Variants in CENPX observed in about 807,000 individuals in gnomAD.
The protein encoded by CENPX is centromere protein X, also known as FANCM associated histone fold protein 2.
Under a neutral mutation model 13.2 loss-of-function variants are expected in CENPX, and 13 were observed. The observed-to-expected ratio is 0.98, with a 90% CI of 0.64 to 1.56. The LOEUF is 1.56. CENPX is among the 40% of genes most tolerant of loss of function. CENPX has a pLI of 0.00. For missense variants in CENPX, 138 were observed against 107.5 expected, an observed-to-expected ratio of 1.28 and a Z score of -1.26; for synonymous variants, 66 against 47.2, an observed-to-expected ratio of 1.40 and a Z score of -1.63.
At chr17:82,021,930 G>A (rs936852386) in intron 1 of CENPX, among the ~76,000 whole-genome samples, 4 of 152,150 alleles carry the variant, frequency 2.6e-5, no homozygotes, top group African/African-American at 9.7e-5. Context: ...ATAAAGAAGG[G>A]CCTGATTCAG....
At chr17:82,022,153 CCA>C (rs969762529) in intron 1 of CENPX, among the ~76,000 whole-genome samples, 4 of 152,202 alleles carry the variant, frequency 2.6e-5, no homozygotes, top group African/African-American at 9.7e-5. Context: ...CATGGCACCC[CCA>C]GAGAGCTCCA....
At chr17:82,022,707 G>A in intron 1 of CENPX, 119 bp downstream of exon 1, 1 of 1,242,954 alleles carries the variant, frequency 8.0e-7, no homozygotes. Context: ...TCTGAGAACG[G>A]GCCCAACCTC....
rs755881231 is a variant in CENPX, at chr17:82,022,810, G to A, written c.36+16C>T. The A allele has an allele frequency of 3.2e-6, 5 of 1,580,626 alleles. No homozygotes were observed. The East Asian group carries it at 9.2e-5, about 29-fold the overall frequency. On this transcript the variant is annotated intron_variant, in intron 1 of 4. Transcript: ENST00000392359. ...GAGCGTCCGCGCCTGCCTAGCCCCTGCCCTCCGGCCCTCACCTTCCGGAAG... is the reference window on the plus strand; with the variant it reads ...GAGCGTCCGCGCCTGCCTAGCCCCTACCCTCCGGCCCTCACCTTCCGGAAG...
At chr17:82,022,540 C>T in intron 1 of CENPX, 2 of 547,620 alleles carry the variant, frequency 3.7e-6, no homozygotes, top group Non-Finnish European at 3.2e-6. Context: ...CCTCTCTCTT[C>T]GCCGGCTTGG....
rs566276286 is a variant in CENPX, at chr17:82,019,059, C to T, written c.*146G>A. The T allele has an allele frequency of 8.0e-6, 10 of 1,249,554 alleles. No individual in the cohort carries two copies. The African/African-American group carries it at 9.1e-5, about 11-fold the overall frequency. The allele number at this position is 1,249,554 out of a possible 1,614,324, so 77.4% of individuals were successfully genotyped here. On this transcript the variant is annotated 3_prime_UTR_variant, in exon 5 of 5. Transcript: ENST00000392359. Reference sequence around the variant, plus strand: ...TGCAGTCCTGCCCCTTCTGCACAGGCTGGAGACTCCCAGAGATCTTGTTTG... The same window carrying T: ...TGCAGTCCTGCCCCTTCTGCACAGGTTGGAGACTCCCAGAGATCTTGTTTG...
rs1333515391 is a variant in CENPX at position 82,022,865 on chromosome 17, C to A, written c.-4G>T. The stretch of plus-strand genomic sequence containing the variant: ...ATCCAGCTCCTGCTCCCTCCATGAC[C>A]GCAGCCTCAACGCGCGCCCACCGGA... On this transcript the variant is annotated 5_prime_UTR_variant, in exon 1 of 5. Coordinates refer to ENST00000392359, the MANE Select transcript of CENPX (RefSeq NM_001271006.2). The A allele has an allele frequency of 1.3e-6, 2 of 1,591,744 alleles. No individual in the cohort carries two copies. The highest frequency in any genetic ancestry group is 3.4e-5 in the Admixed American group (2 of 58,006).
chr17:82,022,790 T>A (rs866588895), intron 1 of CENPX, 36 bp downstream of exon 1: 2 of 1,557,028 alleles, frequency 1.3e-6, no homozygotes, highest in African/African-American at 2.7e-5. Flanking sequence ...GGACGGAGCG[T>A]CCGCGCCTGC....
chr17:82,019,947 T>TC (rs771786245), intron 1 of CENPX, 38 bp from the exon 2 acceptor site: 40 of 1,247,742 alleles, frequency 3.2e-5, no homozygotes, highest in Non-Finnish European at 3.8e-5. Context: ...CGCCCCGCCC[T>TC]CCCCCCCGCA....
chr17:82,019,284 C>T lies in CENPX; in HGVS notation c.231+9G>A, dbSNP rs1458629261. ...ACCCCCACTTGCGCCCCGACCCACGCTCACGCACCAGCTGCGGAAGCACCT... is the reference window on the plus strand; with the variant it reads ...ACCCCCACTTGCGCCCCGACCCACGTTCACGCACCAGCTGCGGAAGCACCT... On this transcript the variant is annotated intron_variant, in intron 4 of 4. Transcript: ENST00000392359. 5 of 1,598,426 alleles carry T rather than the reference C, an allele frequency of 3.1e-6. No homozygotes were observed. Among genetic ancestry groups the T allele is most frequent in the South Asian group, 1.1e-5 (1 of 88,974 alleles).
Position 82,019,146 on chromosome 17 carries a change from G to A in CENPX, c.*59C>T. On this transcript the variant is annotated 3_prime_UTR_variant, in exon 5 of 5. Transcript: ENST00000392359. The stretch of plus-strand genomic sequence containing the variant: ...TTATCAGAGGCCGCTGGAAACACAA[G>A]GCCTGCTTCTGTGGACCAGGGGCTC... The A allele has an allele frequency of 6.6e-7, 1 of 1,504,622 alleles. No individual in the cohort carries two copies. Among genetic ancestry groups the A allele is most frequent in the Non-Finnish European group, 8.9e-7 (1 of 1,126,798 alleles). 93.2% of individuals were successfully genotyped at this position (1,504,622 alleles called of 1,614,324 possible).
In CENPX at chr17:82,018,837, G is replaced by A. The variant is rs962844662; in HGVS notation, c.*368C>T. On this transcript the variant is annotated 3_prime_UTR_variant, in exon 5 of 5. Transcript: ENST00000392359. ...CTTTGATGTCGGGTGGCAGGAATGT[G>A]GGCAGGAGGCAGCGCTGCCAGCTGC... The A allele has an allele frequency of 1.5e-5, 5 of 331,710 alleles. No homozygotes were observed. The highest frequency in any genetic ancestry group is 2.2e-5 in the Non-Finnish European group (4 of 182,692). 20.5% of individuals were successfully genotyped at this position (331,710 alleles called of 1,614,324 possible). A position where few individuals can be genotyped will look rare whatever the true frequency, so the allele number is the denominator to read the frequency against.
chr17:82,019,127 G>C lies in CENPX; in HGVS notation c.*78C>G. 1.3e-6 allele frequency: 2 copies of C among 1,487,710 alleles called. No homozygotes were observed. Among genetic ancestry groups the C allele is most frequent in the Non-Finnish European group, 8.9e-7 (1 of 1,118,540 alleles). The allele number at this position is 1,487,710 out of a possible 1,614,324, so 92.2% of individuals were successfully genotyped here. A position where few individuals can be genotyped will look rare whatever the true frequency, so the allele number is the denominator to read the frequency against. On this transcript the variant is annotated 3_prime_UTR_variant, in exon 5 of 5. Coordinates refer to ENST00000392359, the MANE Select transcript of CENPX (RefSeq NM_001271006.2). ...TCAGGTCCTTCCCTGCCTCTTATCA[G>C]AGGCCGCTGGAAACACAAGGCCTGC...
chr17:82,019,960 C>T (rs1307982193), intron 1 of CENPX, 51 bp from the exon 2 acceptor site: 1 of 1,488,810 alleles, frequency 6.7e-7, no homozygotes, highest in African/African-American at 1.4e-5. Context: ...CCCCCGCACC[C>T]CCCAGGGTGG....
rs1375317548 is a variant in CENPX, at chr17:82,022,087, TA to T, written c.36+738del. Among the ~76,000 whole-genome samples the T allele has an allele frequency of 2.0e-5, 3 of 152,134 alleles. No homozygotes were observed. In the East Asian group the frequency reaches 5.8e-4, roughly 29 times the overall value. On this transcript the variant is annotated intron_variant, in intron 1 of 4. Coordinates refer to ENST00000392359, the MANE Select transcript of CENPX (RefSeq NM_001271006.2). ...GAAGCTCGGTGCCCCAACCTTCAGG[TA>T]GAGCAGTAGAAAGGTTCAGAAACCA...
In CENPX at chr17:82,019,463, GCCC is replaced by G. The variant is rs398031769; in HGVS notation, c.143-85_143-83del. 6 of 1,508,224 alleles carry G rather than the reference GCCC, an allele frequency of 4.0e-6. No homozygotes were observed. In the South Asian group the frequency reaches 6.2e-5, roughly 16 times the overall value. The allele number at this position is 1,508,224 out of a possible 1,614,324, so 93.4% of individuals were successfully genotyped here. A position where few individuals can be genotyped will look rare whatever the true frequency, so the allele number is the denominator to read the frequency against. On this transcript the variant is annotated intron_variant, in intron 3 of 4. Transcript: ENST00000392359. ...AGTGAGGGCCTCAGCCTGGGCCGGT[GCCC>G]CCCCCAACACCCACGGGCAGCCCCC...
At chr17:82,019,471 C>A (rs1035790303) in intron 3 of CENPX, 90 bp from the exon 4 acceptor site, 21 of 1,510,368 alleles carry the variant, frequency 1.4e-5, no homozygotes, top group Admixed American at 4.0e-5. Context: ...GTGCCCCCCC[C>A]AACACCCACG....
rs1319782805 is a variant in CENPX at position 82,019,913 on chromosome 17, G to A, written c.37-4C>T. On this transcript the variant is annotated splice_polypyrimidine_tract_variant and splice_region_variant and intron_variant, in intron 1 of 4. Coordinates refer to ENST00000392359, the MANE Select transcript of CENPX (RefSeq NM_001271006.2). ...GCAGCAGCCTGCTCACCAGCTCCTA[G>A]AAGGGAGGGGGGTGTCAGCGCCACG... 3.3e-5 allele frequency: 53 copies of A among 1,587,814 alleles called. No homozygotes were observed. Among genetic ancestry groups the A allele is most frequent in the Non-Finnish European group, 4.3e-5 (50 of 1,162,852 alleles).
chr17:82,022,089 G>C (rs780675039), intron 1 of CENPX, among the ~76,000 whole-genome samples: 1 of 152,200 alleles, frequency 6.6e-6, no homozygotes, highest in Non-Finnish European at 1.5e-5. Flanking sequence ...CCTTCAGGTA[G>C]AGCAGTAGAA....
chr17:82,019,938 G>A (rs767797077), intron 1 of CENPX, 29 bp from the exon 2 acceptor site: 10 of 1,533,870 alleles, frequency 6.5e-6, no homozygotes, highest in Non-Finnish European at 7.1e-6. Context: ...TCAGCGCCAC[G>A]CCCCGCCCTC....
Sources: gnomAD v4.1 joint callset for allele counts (sites outside exome capture counted in the v4.1 genomes callset) on GRCh38, gnomAD v4.1.1 for gene constraint, MANE v1.5 for transcripts, NCBI Gene and HGNC (gene_info 2026-07-23, HGNC 2026-07-21) for gene names.